PDE1C: variants seen among roughly 807,000 people sequenced by gnomAD.
PDE1C encodes dual specificity calcium/calmodulin-dependent 3',5'-cyclic nucleotide phosphodiesterase 1C.
PDE1C carries 62 observed loss-of-function variants against 93.1 expected under a neutral mutation model. The ratio of observed to expected loss-of-function variants is 0.67; its 90% confidence interval spans 0.54 to 0.82. The LOEUF is 0.82. PDE1C is among the 40% of genes least tolerant of loss of function. PDE1C has a pLI of 0.00. For missense variants in PDE1C, 742 were observed against 884.6 expected, an observed-to-expected ratio of 0.84 and a Z score of 2.04; for synonymous variants, 325 against 310.1, an observed-to-expected ratio of 1.05 and a Z score of -0.50.
chr7:32,331,816 G>C (rs1432706409), intron 1 of PDE1C, among the ~76,000 whole-genome samples: 1 of 152,194 alleles, frequency 6.6e-6, no homozygotes, highest in African/African-American at 2.4e-5. Flanking sequence ...TGAGTTTATA[G>C]TATTGTATAG....
the PDE1C span, among the ~76,000 whole-genome samples, chr7:31,744,196 G>A: frequency 6.6e-6 from 1 of 151,970 alleles, no homozygotes; most frequent in Admixed American, 6.6e-5. Context: ...GATTCCTACA[G>A]TTCCTCTCAC....
At chr7:32,403,016 C>A (rs1784979402) in intron 1 of PDE1C, among the ~76,000 whole-genome samples, 1 of 152,166 alleles carries the variant, frequency 6.6e-6, no homozygotes, top group South Asian at 2.1e-4. Context: ...AGACTCAGGA[C>A]TGTGGGGTGC....
intron 2 of PDE1C, among the ~76,000 whole-genome samples, chr7:32,035,822 C>G (rs1368377980): frequency 1.3e-5 from 2 of 152,146 alleles, no homozygotes; most frequent in Non-Finnish European, 1.5e-5. Flanking sequence ...GCAGCTCTTG[C>G]TTCTGATGGC....
intron 2 of PDE1C, among the ~76,000 whole-genome samples, chr7:31,968,303 T>C (rs1200888991): frequency 6.6e-6 from 1 of 152,130 alleles, no homozygotes; most frequent in Non-Finnish European, 1.5e-5. Flanking sequence ...CAAGCATTCT[T>C]ACACACCAAT....
At chr7:31,754,557 TAAA>T (rs1309862205) in intron 17 of PDE1C, among the ~76,000 whole-genome samples, 1 of 152,176 alleles carries the variant, frequency 6.6e-6, no homozygotes, top group Non-Finnish European at 1.5e-5. Context: ...TTCATTGTGA[TAAA>T]AAGCAAATTA....
chr7:31,799,190 A>G (rs76050736), intron 16 of PDE1C, among the ~76,000 whole-genome samples: 1 of 151,724 alleles, frequency 6.6e-6, no homozygotes, highest in African/African-American at 2.4e-5. Context: ...GACAGAAACA[A>G]TCTCTAGTAA....
the PDE1C span, among the ~76,000 whole-genome samples, chr7:31,618,894 G>T: frequency 6.6e-6 from 1 of 152,136 alleles, no homozygotes; most frequent in Non-Finnish European, 1.5e-5. Context: ...CACATTGCAT[G>T]TTATAAGAAG....
At chr7:31,765,490 C>T (rs1428054894) in intron 17 of PDE1C, among the ~76,000 whole-genome samples, 1 of 152,210 alleles carries the variant, frequency 6.6e-6, no homozygotes, top group Non-Finnish European at 1.5e-5. Context: ...CATTTTCCCA[C>T]TTGTGCATGA....
chr7:31,815,996 C>T lies in PDE1C; in HGVS notation c.1741G>A (p.Ala581Thr), dbSNP rs1478570922. 6.2e-7 allele frequency: 1 copy of T among 1,614,002 alleles called. No individual in the cohort carries two copies. The highest frequency in any genetic ancestry group is 8.5e-7 in the Non-Finnish European group (1 of 1,179,904). ...ETKNQVNGTR[A>T]NKSDNPRGKN... ...CCACGAGGGTTGTCACTTTTGTTTG[C>T]CCGTGTTCCATTGACTTGATTCTTA... The change falls in exon 15 of 18, where the codon GCA becomes ACA. Residue 581 changes from alanine to threonine, a missense_variant. Physicochemically the swap from Ala to Thr is moderately conservative, Grantham distance 58. Coordinates refer to ENST00000396191, the MANE Select transcript of PDE1C (RefSeq NM_001191057.4).
At chr7:32,345,076 C>T (rs1335304424) in intron 1 of PDE1C, among the ~76,000 whole-genome samples, 4 of 152,082 alleles carry the variant, frequency 2.6e-5, no homozygotes, top group Non-Finnish European at 5.9e-5. Flanking sequence ...CAAACCATGC[C>T]CCTTCTGTTA....
At chr7:31,634,652 G>A in the PDE1C span, among the ~76,000 whole-genome samples, 1 of 152,112 alleles carries the variant, frequency 6.6e-6, no homozygotes, top group Admixed American at 6.5e-5. Flanking sequence ...TTAAGCTATG[G>A]GATAGGCAGG....
intron 2 of PDE1C, among the ~76,000 whole-genome samples, chr7:31,965,505 G>C (rs1809780447): frequency 2.0e-5 from 3 of 152,186 alleles, no homozygotes; most frequent in South Asian, 2.1e-4. Flanking sequence ...AAGTGACTGG[G>C]AGAATGGAAC....
At chr7:32,059,323 C>G (rs886706) in intron 1 of PDE1C, among the ~76,000 whole-genome samples, 1 of 151,946 alleles carries the variant, frequency 6.6e-6, no homozygotes. Flanking sequence ...TTCTTAGGAG[C>G]AAGTGCATTT....
intron 3 of PDE1C, among the ~76,000 whole-genome samples, chr7:32,132,107 A>G (rs1799948440): frequency 6.6e-6 from 1 of 152,108 alleles, no homozygotes; most frequent in African/African-American, 2.4e-5. Context: ...CCAGCATATG[A>G]TGACTTAGGT....
At chr7:31,617,261 A>AT in the PDE1C span, among the ~76,000 whole-genome samples, 5 of 44,172 alleles carry the variant, frequency 1.1e-4, no homozygotes, top group South Asian at 2.4e-3. Context: ...GATAACAACA[A>AT]TTTAACTTTG....
At chr7:31,725,107 C>T in the PDE1C span, among the ~76,000 whole-genome samples, 1 of 152,244 alleles carries the variant, frequency 6.6e-6, no homozygotes, top group Middle Eastern at 3.4e-3. Context: ...CCACCCTCAT[C>T]TCCCACTTGT....
the PDE1C span, among the ~76,000 whole-genome samples, chr7:31,719,716 A>C: frequency 6.6e-6 from 1 of 152,202 alleles, no homozygotes; most frequent in Non-Finnish European, 1.5e-5. Flanking sequence ...ACATTAATTT[A>C]AATAAGCCCA....
rs185279024 is a variant in PDE1C, at chr7:32,161,917, G to A, written c.308+7868C>T. On this transcript the variant is annotated intron_variant, in intron 3 of 18. Coordinates refer to the PDE1C transcript ENST00000396193. ...GACACCTCAGATGAGCTACATTCCTGGGGGTGGAAGCCTGGATTTCTCAAC... is the reference window on the plus strand; with the variant it reads ...GACACCTCAGATGAGCTACATTCCTAGGGGTGGAAGCCTGGATTTCTCAAC... Among the ~76,000 whole-genome samples the A allele has an allele frequency of 2.6e-5, 4 of 152,286 alleles. No homozygotes were observed. The East Asian group carries it at 7.7e-4, about 30-fold the overall frequency.
chr7:31,794,044 AC>A (rs1784932973), intron 16 of PDE1C, among the ~76,000 whole-genome samples: 1 of 95,700 alleles, frequency 1.0e-5, no homozygotes, highest in Non-Finnish European at 2.1e-5. Context: ...AGATAGATAG[AC>A]AGACAGACAG....
Sources: allele counts gnomAD v4.1 joint callset (sites outside exome capture counted in the v4.1 genomes callset), GRCh38; gene constraint gnomAD v4.1.1; transcripts MANE v1.5; gene names NCBI Gene and HGNC (gene_info 2026-07-23, HGNC 2026-07-21).